The following PDZRN3 variants were observed in gnomAD, a reference collection of about 807,000 sequenced individuals.
PDZRN3 encodes E3 ubiquitin-protein ligase PDZRN3.
In PDZRN3, 38 loss-of-function variants were observed where a neutral mutation model predicts 85.7. The ratio of observed to expected loss-of-function variants is 0.44; its 90% confidence interval spans 0.34 to 0.58. The LOEUF (loss-of-function observed/expected upper bound fraction) is 0.58, where lower values mean the gene tolerates loss of function less well. Among genes scored for constraint, PDZRN3 ranks in the 20% least tolerant of loss-of-function variants. The pLI is 0.01. For synonymous variants in PDZRN3, 759 were observed against 638.0 expected, an observed-to-expected ratio of 1.19 and a Z score of -2.86; for missense variants, 1,629 against 1,506.4, an observed-to-expected ratio of 1.08 and a Z score of -1.35.
intron 3 of PDZRN3, among the ~76,000 whole-genome samples, chr3:73,475,589 A>C (rs1298194199): frequency 6.6e-6 from 1 of 152,240 alleles, no homozygotes; most frequent in African/African-American, 2.4e-5. Context: ...AAGGCCAAAA[A>C]ATCCATTTAA....
At chr3:73,607,077 T>C (rs1702611932) in intron 2 of PDZRN3, among the ~76,000 whole-genome samples, 1 of 152,180 alleles carries the variant, frequency 6.6e-6, no homozygotes, top group East Asian at 1.9e-4. Flanking sequence ...CCCAACTCTG[T>C]TCCTGCTCCA....
intron 3 of PDZRN3, among the ~76,000 whole-genome samples, chr3:73,590,909 TAG>T (rs1377771361): frequency 6.6e-6 from 1 of 152,180 alleles, no homozygotes; most frequent in Non-Finnish European, 1.5e-5. Context: ...TCATTTAAAC[TAG>T]AGTTTAGAAC....
chr3:73,558,934 G>C (rs964025227), intron 3 of PDZRN3, among the ~76,000 whole-genome samples: 1 of 152,182 alleles, frequency 6.6e-6, no homozygotes, highest in Non-Finnish European at 1.5e-5. Context: ...TGCTCTGTTT[G>C]GCAAGCTGTG....
At chr3:73,425,370 A>G (rs1156469758) in intron 3 of PDZRN3, among the ~76,000 whole-genome samples, 2 of 152,126 alleles carry the variant, frequency 1.3e-5, no homozygotes, top group Non-Finnish European at 2.9e-5. Flanking sequence ...AGTAGATTTC[A>G]AAGGGTGATT....
intron 1 of PDZRN3, among the ~76,000 whole-genome samples, chr3:73,617,756 A>C (rs1702786613): frequency 6.6e-6 from 1 of 152,068 alleles, no homozygotes; most frequent in Non-Finnish European, 1.5e-5. Flanking sequence ...GCTGGAGTGC[A>C]CTGGCACGAT....
intron 3 of PDZRN3, among the ~76,000 whole-genome samples, chr3:73,579,267 T>C (rs1317502102): frequency 6.6e-6 from 1 of 152,232 alleles, no homozygotes; most frequent in Non-Finnish European, 1.5e-5. Flanking sequence ...TGTCAGCACC[T>C]TGACCTTGAA....
In PDZRN3 at chr3:73,383,731, C is replaced by T. The variant is rs575958294; in HGVS notation, c.2835G>A (p.Glu945=). 1.9e-6 allele frequency: 3 copies of T among 1,611,898 alleles called. No homozygotes were observed. The highest frequency in any genetic ancestry group is 2.5e-6 in the Non-Finnish European group (3 of 1,180,008). ...KRPVRDRLLR[E]RALKIREERS... is the part of the protein sequence containing the mutation. ...GCTCTTCCCGGATCTTCAGGGCGCGCTCCCGCAGCAGGCGGTCCCGCACGG... is the reference window on the plus strand; with the variant it reads ...GCTCTTCCCGGATCTTCAGGGCGCGTTCCCGCAGCAGGCGGTCCCGCACGG... Residue 945 remains glutamate (E), a synonymous_variant, in exon 10 of 10, where the codon GAG becomes GAA. Transcript: ENST00000263666.
intron 3 of PDZRN3, among the ~76,000 whole-genome samples, chr3:73,496,144 T>C (rs1703861636): frequency 6.6e-6 from 1 of 152,028 alleles, no homozygotes; most frequent in Non-Finnish European, 1.5e-5. Context: ...GTGAAATGTA[T>C]GATACATACA....
intron 3 of PDZRN3, among the ~76,000 whole-genome samples, chr3:73,527,217 A>G (rs1346081433): frequency 6.6e-6 from 1 of 152,150 alleles, no homozygotes; most frequent in Non-Finnish European, 1.5e-5. Flanking sequence ...AAAGGAGACA[A>G]TATATGGAGA....
intron 3 of PDZRN3, among the ~76,000 whole-genome samples, chr3:73,496,463 A>C (rs1250335699): frequency 6.6e-6 from 1 of 151,962 alleles, no homozygotes; most frequent in African/African-American, 2.4e-5. Flanking sequence ...TCATATGTCA[A>C]CTCGCCATTC....
intron 3 of PDZRN3, among the ~76,000 whole-genome samples, chr3:73,568,264 G>A (rs1216208826): frequency 6.6e-6 from 1 of 151,924 alleles, no homozygotes; most frequent in African/African-American, 2.4e-5. Flanking sequence ...TAATGAACAG[G>A]AAAGTCTTTT....
intron 3 of PDZRN3, among the ~76,000 whole-genome samples, chr3:73,450,130 A>G (rs568857933): frequency 2.0e-5 from 3 of 152,338 alleles, no homozygotes; most frequent in South Asian, 2.1e-4. Context: ...AAGTTCTAAC[A>G]GCATTGGTTT....
At chr3:73,543,032 T>C (rs888379145) in intron 3 of PDZRN3, among the ~76,000 whole-genome samples, 1 of 152,186 alleles carries the variant, frequency 6.6e-6, no homozygotes, top group Non-Finnish European at 1.5e-5. Flanking sequence ...ATATTTTACC[T>C]GGATAAATGC....
intron 3 of PDZRN3, among the ~76,000 whole-genome samples, chr3:73,453,418 A>AAAC (rs1702910992): frequency 7.3e-6 from 1 of 136,676 alleles, no homozygotes. Flanking sequence ...AAAAAAAAAA[A>AAAC]AAAAACAAAA....
At chr3:73,480,656 GATATTTCCA>G (rs1703544963) in intron 3 of PDZRN3, among the ~76,000 whole-genome samples, 1 of 152,160 alleles carries the variant, frequency 6.6e-6, no homozygotes, top group South Asian at 2.1e-4. Flanking sequence ...AAGCAGGGTT[GATATTTCCA>G]CTTCTTTCCC....
At chr3:73,588,002 G>A (rs2106875848) in intron 3 of PDZRN3, among the ~76,000 whole-genome samples, 1 of 152,286 alleles carries the variant, frequency 6.6e-6, no homozygotes, top group Middle Eastern at 3.4e-3. Flanking sequence ...TACATGTGCA[G>A]AACATGCAGG....
At chr3:73,416,273 A>C (rs919257138) in intron 3 of PDZRN3, among the ~76,000 whole-genome samples, 1 of 152,092 alleles carries the variant, frequency 6.6e-6, no homozygotes, top group Non-Finnish European at 1.5e-5. Flanking sequence ...TTGGCCTCTT[A>C]CCTCCAAGTA....
At chr3:73,425,937 T>C (rs1283654967) in intron 3 of PDZRN3, among the ~76,000 whole-genome samples, 1 of 152,202 alleles carries the variant, frequency 6.6e-6, no homozygotes, top group Non-Finnish European at 1.5e-5. Flanking sequence ...ACAAGAATTC[T>C]GCCAATTCAG....
At position 73,441,733 on chromosome 3, in the gene PDZRN3, C is replaced by T. The variant is rs139538186; in HGVS notation, c.919-37338G>A. The stretch of plus-strand genomic sequence containing the variant: ...TACATCTTCATTAGGAATGCTGAGG[C>T]GGGCAAACAGGCTTTCAAAACTGGC... On this transcript the variant is annotated intron_variant, in intron 3 of 9. Coordinates refer to ENST00000263666, the MANE Select transcript of PDZRN3 (RefSeq NM_015009.3). Among the ~76,000 whole-genome samples the T allele has an allele frequency of 2.4e-4, 37 of 152,250 alleles. No individual in the cohort carries two copies. In the Middle Eastern group the frequency reaches 0.014, roughly 56 times the overall value.
Sources: gnomAD v4.1 joint callset for allele counts (sites outside exome capture counted in the v4.1 genomes callset) on GRCh38, gnomAD v4.1.1 for gene constraint, MANE v1.5 for transcripts, NCBI Gene and HGNC (gene_info 2026-07-23, HGNC 2026-07-21) for gene names.